The following CD53 variants were observed in gnomAD, a reference collection of about 807,000 sequenced individuals.
The protein encoded by CD53 is CD53 molecule.
CD53 carries 20 observed loss-of-function variants against 27.3 expected under a neutral mutation model. That is an observed-to-expected ratio of 0.73 (90% confidence interval 0.52 to 1.07). CD53 has a LOEUF of 1.07. CD53 is among the 50% of genes least tolerant of loss of function. The pLI is 0.00. For missense variants in CD53, 216 were observed against 264.0 expected, an observed-to-expected ratio of 0.82 and a Z score of 1.26; for synonymous variants, 106 against 105.3, an observed-to-expected ratio of 1.01 and a Z score of -0.04.
At chr1:110,892,599 G>A (rs1656900404) in intron 3 of CD53, 66 bp downstream of exon 3, 4 of 1,305,150 alleles carry the variant, frequency 3.1e-6, no homozygotes, top group African/African-American at 1.5e-5. Flanking sequence ...CAGGCAAGAT[G>A]TTTCTTGGTA....
At chr1:110,874,236 G>A (rs1023775612) in intron 1 of CD53, among the ~76,000 whole-genome samples, 2 of 152,240 alleles carry the variant, frequency 1.3e-5, no homozygotes, top group African/African-American at 4.8e-5. Flanking sequence ...TCCAAGAGGG[G>A]TGGGGACGGG....
At chr1:110,878,927 T>C (rs1026066394) in intron 1 of CD53, among the ~76,000 whole-genome samples, 7 of 152,338 alleles carry the variant, frequency 4.6e-5, no homozygotes, top group African/African-American at 1.7e-4. Context: ...CTTGCATTTA[T>C]TTATTTATCT....
chr1:110,888,937 C>A (rs1211347664), intron 1 of CD53, among the ~76,000 whole-genome samples: 1 of 152,132 alleles, frequency 6.6e-6, no homozygotes, highest in East Asian at 1.9e-4. Context: ...ATGAAATATT[C>A]TTTGATCAAC....
intron 1 of CD53, among the ~76,000 whole-genome samples, chr1:110,885,228 C>T (rs959407934): frequency 6.6e-6 from 1 of 152,176 alleles, no homozygotes; most frequent in African/African-American, 2.4e-5. Context: ...AATACTGTTA[C>T]TATTTTTGTT....
At chr1:110,880,064 T>G (rs996293160) in intron 1 of CD53, among the ~76,000 whole-genome samples, 2 of 152,190 alleles carry the variant, frequency 1.3e-5, no homozygotes, top group African/African-American at 2.4e-5. Context: ...CATGTTGAGT[T>G]GTGGAAGGTA....
intron 1 of CD53, among the ~76,000 whole-genome samples, chr1:110,875,848 G>A (rs997798798): frequency 2.6e-5 from 4 of 152,216 alleles, no homozygotes; most frequent in African/African-American, 9.6e-5. Flanking sequence ...AGAAAGACAT[G>A]CATTTGCAAA....
Sources: allele counts gnomAD v4.1 joint callset (sites outside exome capture counted in the v4.1 genomes callset), GRCh38; gene constraint gnomAD v4.1.1; transcripts MANE v1.5; gene names NCBI Gene and HGNC (gene_info 2026-07-23, HGNC 2026-07-21).